Variants in ZSWIM3 observed in about 807,000 individuals in gnomAD.
ZSWIM3 encodes the protein zinc finger SWIM-type containing 3.
In ZSWIM3, 27 loss-of-function variants were observed where a neutral mutation model predicts 47.5. The ratio of observed to expected loss-of-function variants is 0.57; its 90% CI spans 0.42 to 0.78. The LOEUF is 0.78. Ranked by LOEUF, ZSWIM3 falls within the 30% of genes least tolerant of loss-of-function variation. The pLI is 0.00. For synonymous variants in ZSWIM3, 333 were observed against 333.9 expected (o/e 1.00, Z 0.03); for missense variants, 689 against 861.3 (o/e 0.80, Z 2.50).
At position 45,877,307 on chromosome 20, in the gene ZSWIM3, A is replaced by G. The variant is rs1010976619; in HGVS notation, c.749A>G (p.His250Arg). The change falls in exon 2 of 2, where the codon CAC becomes CGC. Residue 250 changes from histidine (H) to arginine (R), a missense_variant. His to Arg is a conservative substitution (Grantham distance 29). Transcript: ENST00000255152. The stretch of plus-strand genomic sequence containing the variant: ...AAGGAACGAGAAAGTCGAGTGGTGC[A>G]CTTTGCTGTGCTCAAGGCGGAGACA... ...ENKERESRVV[H>R]FAVLKAETVT... 3.1e-6 allele frequency: 5 copies of G among 1,614,150 alleles called. No homozygotes were observed. Among genetic ancestry groups the G allele is most frequent in the Non-Finnish European group, 4.2e-6 (5 of 1,180,028 alleles).
rs148971026 is a variant in ZSWIM3, at chr20:45,877,185, G to A, written c.627G>A (p.Lys209=). The part of the protein sequence containing the change: ...HLDRLSFQSS[K]MTDLFIRFPE... ...ACCGGCTCAGCTTCCAGAGCAGTAA[G>A]ATGACCGACCTGTTCATCCGCTTCC... is the stretch of plus-strand genomic sequence containing the variant. Residue 209 remains lysine (K), a synonymous_variant, in exon 2 of 2, where the codon AAG becomes AAA. Transcript: ENST00000255152. The A allele has an allele frequency of 1.0e-4, 165 of 1,614,048 alleles. No homozygotes were observed. Among genetic ancestry groups the A allele is most frequent in the Non-Finnish European group, 1.3e-4 (156 of 1,180,044 alleles).
At chr20:45,860,073 A>G (rs1985668356) in intron 1 of ZSWIM3, among the ~76,000 whole-genome samples, 1 of 152,128 alleles carries the variant, frequency 6.6e-6, no homozygotes, top group African/African-American at 2.4e-5. Flanking sequence ...TCTGTTTGCC[A>G]CTCTAGTGAA....
At chr20:45,859,529 A>G (rs1359458895) in intron 1 of ZSWIM3, among the ~76,000 whole-genome samples, 1 of 152,060 alleles carries the variant, frequency 6.6e-6, no homozygotes, top group Non-Finnish European at 1.5e-5. Context: ...TGGGCTGTGA[A>G]TGAATGTAGA....
rs1568749942 is a variant in ZSWIM3 at position 45,877,630 on chromosome 20, C to A, written c.1072C>A (p.Leu358Met). 2.5e-6 allele frequency: 4 copies of A among 1,614,208 alleles called. No homozygotes were observed. Among genetic ancestry groups the A allele is most frequent in the Non-Finnish European group, 2.5e-6 (3 of 1,180,036 alleles). ...KNLCQMSQAV[L>M]DEDLFNFLQA... Reference sequence around the variant, plus strand: ...TCTCTGCCAGATGTCCCAGGCCGTACTGGATGAGGATCTCTTCAACTTCCT... The same window carrying A: ...TCTCTGCCAGATGTCCCAGGCCGTAATGGATGAGGATCTCTTCAACTTCCT... Residue 358 changes from leucine (L) to methionine (M), a missense_variant, in exon 2 of 2, where the codon CTG becomes ATG. By Grantham distance (15) the Leu-to-Met change is conservative. Transcript: ENST00000255152.
At chr20:45,873,671 G>C (rs1227917065) in intron 1 of ZSWIM3, among the ~76,000 whole-genome samples, 3 of 152,174 alleles carry the variant, frequency 2.0e-5, no homozygotes, top group Admixed American at 1.3e-4. Flanking sequence ...CTCATTTTAT[G>C]ATGAGGAAAC....
chr20:45,857,621 A>T lies in ZSWIM3; in HGVS notation c.-205A>T. 1 of 684,012 alleles carries T rather than the reference A, an allele frequency of 1.5e-6. No homozygotes were observed. Among genetic ancestry groups the T allele is most frequent in the Non-Finnish European group, 2.5e-6 (1 of 400,688 alleles). 42.4% of individuals were successfully genotyped at this position (684,012 alleles called of 1,614,324 possible). ...CTGAGTGTCATTTCCCCTGTCAGAT[A>T]GCAAATACACCCCCTTCCTCTTGTA... On this transcript the variant is annotated 5_prime_UTR_variant, in exon 1 of 2. Coordinates refer to ENST00000255152, the MANE Select transcript of ZSWIM3 (RefSeq NM_080752.4).
At position 45,877,760 on chromosome 20, in the gene ZSWIM3, AG is replaced by A; in HGVS notation, c.1204del (p.Val402CysfsTer22). 6.2e-7 allele frequency: 1 copy of A among 1,614,122 alleles called. No individual in the cohort carries two copies. Among genetic ancestry groups the A allele is most frequent in the Non-Finnish European group, 8.5e-7 (1 of 1,179,980 alleles). On this transcript the variant is annotated frameshift_variant, in exon 2 of 2. Transcript: ENST00000255152. LOFTEE classifies it high-confidence loss of function. ...GACAGCCTAGACATTGTCACCAGCAAGGTGTCAAGCCTCTTTCGGGAACAGC... is the reference window on the plus strand; with the variant it reads ...GACAGCCTAGACATTGTCACCAGCAAGTGTCAAGCCTCTTTCGGGAACAGC... Reference protein sequence around the residue: ...YMDSLDIVTSKVSSLFREQQS... With the variant: ...YMDSLDIVTSXVSSLFREQQS...
chr20:45,875,021 G>A (rs913225796), intron 1 of ZSWIM3, among the ~76,000 whole-genome samples: 1 of 148,620 alleles, frequency 6.7e-6, no homozygotes, highest in Non-Finnish European at 1.5e-5. Context: ...ATTTGGGGGG[G>A]GTTTTAATTT....
At chr20:45,875,035 CTTTT>C (rs35356697) in intron 1 of ZSWIM3, among the ~76,000 whole-genome samples, 2 of 90,540 alleles carry the variant, frequency 2.2e-5, no homozygotes, top group East Asian at 3.4e-4. Flanking sequence ...TTAATTTTAA[CTTTT>C]TTTTTTTTTT....
chr20:45,870,220 G>C (rs1416999003), intron 1 of ZSWIM3, among the ~76,000 whole-genome samples: 3 of 149,372 alleles, frequency 2.0e-5, no homozygotes, highest in African/African-American at 7.4e-5. Context: ...CATGCCTGTA[G>C]TCCCAGCTAC....
At chr20:45,864,481 G>T (rs952036358) in intron 1 of ZSWIM3, among the ~76,000 whole-genome samples, 3 of 152,178 alleles carry the variant, frequency 2.0e-5, no homozygotes, top group African/African-American at 7.2e-5. Context: ...ATATTACTGG[G>T]TGGTCAGGTG....
chr20:45,876,668 G>C (rs116450250), intron 1 of ZSWIM3, 46 bp from the exon 2 acceptor site: 16 of 1,571,382 alleles, frequency 1.0e-5, no homozygotes, highest in Admixed American at 1.8e-5. Context: ...TATAAGGGGT[G>C]GGGGGTGGTC....
At position 45,878,566 on chromosome 20, in the gene ZSWIM3, G is replaced by A. The variant is rs1186275504; in HGVS notation, c.2008G>A (p.Asp670Asn). ...ELFQQPGDFKDVGRLPFLWGK... is the reference protein window; with the variant it reads ...ELFQQPGDFKNVGRLPFLWGK... ...CTTTCAGCAGCCAGGAGACTTTAAG[G>A]ACGTGGGCCGCCTCCCTTTCCTCTG... Residue 670 changes from aspartate (D) to asparagine (N), a missense_variant, in exon 2 of 2, where the codon GAC becomes AAC. Asp to Asn is a conservative substitution (Grantham distance 23, BLOSUM62 1). Transcript: ENST00000255152. 2 of 1,614,134 alleles carry A rather than the reference G, an allele frequency of 1.2e-6. No homozygotes were observed. Among genetic ancestry groups the A allele is most frequent in the Non-Finnish European group, 1.7e-6 (2 of 1,180,024 alleles).
intron 1 of ZSWIM3, among the ~76,000 whole-genome samples, chr20:45,863,433 CTGGT>C (rs939663488): frequency 1.3e-5 from 2 of 152,134 alleles, no homozygotes; most frequent in African/African-American, 4.8e-5. Context: ...GGTGGGGGTG[CTGGT>C]TGACACCCTA....
intron 1 of ZSWIM3, among the ~76,000 whole-genome samples, chr20:45,867,927 T>A (rs1019854736): frequency 5.3e-5 from 8 of 152,224 alleles, no homozygotes; most frequent in Non-Finnish European, 1.0e-4. Context: ...GGACCCTTGT[T>A]ATCAGAGTTT....
At chr20:45,869,329 G>T (rs184478688) in intron 1 of ZSWIM3, among the ~76,000 whole-genome samples, 20 of 151,244 alleles carry the variant, frequency 1.3e-4, no homozygotes, top group African/African-American at 4.4e-4. Context: ...AACCAGCCTG[G>T]CCACATGGTG....
intron 1 of ZSWIM3, among the ~76,000 whole-genome samples, chr20:45,863,177 T>G (rs538308336): frequency 4.1e-4 from 46 of 111,336 alleles, no homozygotes; most frequent in East Asian, 1.9e-3. Flanking sequence ...TTGTTTTTTT[T>G]TTTGTTTGTT....
chr20:45,865,542 G>A (rs1247432995), intron 1 of ZSWIM3, among the ~76,000 whole-genome samples: 1 of 151,234 alleles, frequency 6.6e-6, no homozygotes, highest in Admixed American at 6.7e-5. Flanking sequence ...TATGGCAGAT[G>A]TAAAGGTGAT....
In ZSWIM3 at chr20:45,877,579, G is replaced by T; in HGVS notation, c.1021G>T (p.Val341Phe). The change falls in exon 2 of 2, where the codon GTC (valine) becomes TTC (phenylalanine). Residue 341 changes from valine (V) to phenylalanine (F), a missense_variant. Coordinates refer to ENST00000255152, the MANE Select transcript of ZSWIM3 (RefSeq NM_080752.4). ...MKEALREAVFVTSEASLKNLC... is the reference protein window; with the variant it reads ...MKEALREAVFFTSEASLKNLC... ...GGAAGCCCTGCGGGAGGCCGTGTTT[G>T]TCACTTCTGAAGCCAGCCTGAAAAA... 1 of 1,614,198 alleles carries T rather than the reference G, an allele frequency of 6.2e-7. No individual in the cohort carries two copies. Among genetic ancestry groups the T allele is most frequent in the Non-Finnish European group, 8.5e-7 (1 of 1,180,036 alleles).
Sources: allele counts gnomAD v4.1 joint callset (sites outside exome capture counted in the v4.1 genomes callset), GRCh38; gene constraint gnomAD v4.1.1; transcripts MANE v1.5; gene names NCBI Gene and HGNC (gene_info 2026-07-23, HGNC 2026-07-21).